Variants in SPTLC3 observed in about 807,000 individuals in gnomAD.
SPTLC3 encodes serine palmitoyltransferase 3.
A neutral mutation model predicts 59.3 loss-of-function variants in SPTLC3; 36 were observed. That is an observed-to-expected ratio of 0.61 (90% confidence interval 0.47 to 0.80). The LOEUF is 0.80. SPTLC3 is among the 30% of genes least tolerant of loss of function. The pLI, the probability that SPTLC3 is intolerant of heterozygous loss-of-function variation, is 0.00. For missense variants in SPTLC3, 625 were observed against 685.1 expected, an observed-to-expected ratio of 0.91 and a Z score of 0.98; for synonymous variants, 257 against 240.8, an observed-to-expected ratio of 1.07 and a Z score of -0.62.
chr20:13,127,275 A>AT (rs1323626318), intron 9 of SPTLC3, among the ~76,000 whole-genome samples: 2 of 152,218 alleles, frequency 1.3e-5, no homozygotes, highest in Admixed American at 1.3e-4. Context: ...AAATTGTTTC[A>AT]TAAAAGCCTC....
intron 6 of SPTLC3, among the ~76,000 whole-genome samples, chr20:13,094,040 G>A (rs746758582): frequency 6.6e-5 from 10 of 152,070 alleles, no homozygotes; most frequent in African/African-American, 1.7e-4. Flanking sequence ...CCATCTATTC[G>A]ACTTCATTGA....
At chr20:13,135,846 G>T (rs111997610) in intron 9 of SPTLC3, among the ~76,000 whole-genome samples, 33 of 152,264 alleles carry the variant, frequency 2.2e-4, no homozygotes, top group African/African-American at 7.9e-4. Flanking sequence ...TTCTCTCTCA[G>T]CTATTACCTC....
intron 9 of SPTLC3, 47 bp from the exon 10 acceptor site, chr20:13,153,956 C>T (rs1330946946): frequency 6.2e-7 from 1 of 1,603,540 alleles, no homozygotes; most frequent in Non-Finnish European, 8.5e-7. Context: ...CCTTTACTTC[C>T]CTCTTTCTAG....
intron 1 of SPTLC3, among the ~76,000 whole-genome samples, chr20:13,024,812 C>T (rs2116274): frequency 3.3e-5 from 5 of 152,178 alleles, no homozygotes; most frequent in South Asian, 2.1e-4. Flanking sequence ...AATTCCACAG[C>T]GATCAGCAGC....
At chr20:13,143,969 C>T (rs2038446602) in intron 9 of SPTLC3, among the ~76,000 whole-genome samples, 1 of 152,206 alleles carries the variant, frequency 6.6e-6, no homozygotes, top group Admixed American at 6.5e-5. Context: ...ATGCACTATA[C>T]ACTATGAGCT....
At chr20:13,059,157 T>A (rs993075928) in intron 2 of SPTLC3, among the ~76,000 whole-genome samples, 1 of 152,198 alleles carries the variant, frequency 6.6e-6, no homozygotes, top group Admixed American at 6.5e-5. Context: ...ATCTCCCCTT[T>A]AATCTCAGAG....
chr20:13,157,433 A>G (rs1369097467), intron 10 of SPTLC3, among the ~76,000 whole-genome samples: 1 of 152,058 alleles, frequency 6.6e-6, no homozygotes, highest in Non-Finnish European at 1.5e-5. Flanking sequence ...GTGAAACTCC[A>G]TGTCAAAAAA....
intron 10 of SPTLC3, among the ~76,000 whole-genome samples, chr20:13,154,793 A>C (rs1172729645): frequency 6.6e-6 from 1 of 152,206 alleles, no homozygotes; most frequent in Non-Finnish European, 1.5e-5. Flanking sequence ...GGAAAACATG[A>C]CTTTTTGTCA....
At chr20:13,067,553 T>C (rs1482442285) in intron 2 of SPTLC3, among the ~76,000 whole-genome samples, 1 of 152,188 alleles carries the variant, frequency 6.6e-6, no homozygotes. Context: ...CTTTATTTTG[T>C]TTCTTAAATA....
chr20:13,052,632 G>A (rs1600233392), intron 2 of SPTLC3, among the ~76,000 whole-genome samples: 1 of 152,154 alleles, frequency 6.6e-6, no homozygotes, highest in African/African-American at 2.4e-5. Flanking sequence ...AGCAAGCTAA[G>A]ATCCACTGGC....
chr20:13,132,136 C>A (rs2038133262), intron 9 of SPTLC3, among the ~76,000 whole-genome samples: 1 of 151,620 alleles, frequency 6.6e-6, no homozygotes, highest in African/African-American at 2.4e-5. Context: ...AATAGCAAAT[C>A]CTCCTGTCCC....
At chr20:13,148,366 GAACA>G (rs1343340818) in intron 9 of SPTLC3, among the ~76,000 whole-genome samples, 1 of 152,148 alleles carries the variant, frequency 6.6e-6, no homozygotes, top group Non-Finnish European at 1.5e-5. Context: ...GATAGAACAG[GAACA>G]GACAGGTCAT....
At chr20:13,080,773 G>A (rs921090664) in intron 4 of SPTLC3, among the ~76,000 whole-genome samples, 4 of 152,082 alleles carry the variant, frequency 2.6e-5, no homozygotes, top group Non-Finnish European at 5.9e-5. Context: ...TCTATTTTGA[G>A]CAATTTTGTC....
At chr20:13,140,403 T>A (rs994461081) in intron 9 of SPTLC3, among the ~76,000 whole-genome samples, 3 of 152,142 alleles carry the variant, frequency 2.0e-5, no homozygotes, top group African/African-American at 7.2e-5. Flanking sequence ...CTGATGTTCA[T>A]CACATTGGCA....
At chr20:13,132,540 T>G (rs2038145474) in intron 9 of SPTLC3, among the ~76,000 whole-genome samples, 1 of 152,140 alleles carries the variant, frequency 6.6e-6, no homozygotes, top group African/African-American at 2.4e-5. Flanking sequence ...TATTATCTGT[T>G]TGCCCTCACT....
intron 1 of SPTLC3, among the ~76,000 whole-genome samples, chr20:13,030,921 T>C (rs6109659): frequency 6.6e-6 from 1 of 152,160 alleles, no homozygotes; most frequent in African/African-American, 2.4e-5. Flanking sequence ...TCCACAGCAC[T>C]CTTAATTACT....
intron 9 of SPTLC3, among the ~76,000 whole-genome samples, chr20:13,137,288 T>C (rs1005272601): frequency 1.3e-5 from 2 of 152,176 alleles, no homozygotes; most frequent in South Asian, 4.1e-4. Context: ...GGGAAGTTGT[T>C]GCCTTGGCTG....
chr20:13,077,733 A>G (rs1052560275), intron 4 of SPTLC3, among the ~76,000 whole-genome samples: 10 of 152,214 alleles, frequency 6.6e-5, no homozygotes, highest in Non-Finnish European at 1.3e-4. Flanking sequence ...AGTTAAAAAC[A>G]GAAACTTAGG....
intron 1 of SPTLC3, among the ~76,000 whole-genome samples, chr20:13,013,737 T>C (rs1206150675): frequency 1.3e-5 from 2 of 152,250 alleles, no homozygotes; most frequent in South Asian, 2.1e-4. Context: ...CAAGCAATTA[T>C]AGTATTTAAT....
Sources: allele counts gnomAD v4.1 joint callset (sites outside exome capture counted in the v4.1 genomes callset), GRCh38; gene constraint gnomAD v4.1.1; transcripts MANE v1.5; gene names NCBI Gene and HGNC (gene_info 2026-07-23, HGNC 2026-07-21).